Variants in EFNA5 observed in about 807,000 individuals in gnomAD.
EFNA5 encodes the protein ephrin A5.
In EFNA5, 5 loss-of-function variants were observed where a neutral mutation model predicts 22.9. That is an observed-to-expected ratio of 0.22 (90% CI 0.11 to 0.46). The LOEUF (loss-of-function observed/expected upper bound fraction) is 0.46. EFNA5 is among the 20% of genes least tolerant of loss of function. EFNA5 has a pLI of 0.99. For synonymous variants in EFNA5, 113 were observed against 112.2 expected (o/e 1.01, Z -0.04); for missense variants, 237 against 293.3 (o/e 0.81, Z 1.40).
rs546111998 is a variant in EFNA5, at chr5:107,441,287, T to G, written c.126-13778A>C. On this transcript the variant is annotated intron_variant, in intron 1 of 4. Coordinates refer to ENST00000333274, the MANE Select transcript of EFNA5 (RefSeq NM_001962.3). ...TGATTAGGGAAAATAACATGACATG[T>G]GCTGGCCAGGTGAGCAGATTAGAAG... Among the ~76,000 whole-genome samples, 75 of 152,280 alleles carry G rather than the reference T, an allele frequency of 4.9e-4. 1 individual carries two copies. The highest frequency in any genetic ancestry group is 3.4e-3 in the Middle Eastern group (1 of 294).
At chr5:107,570,994 C>A (rs1748790218) in intron 1 of EFNA5, among the ~76,000 whole-genome samples, 1 of 152,206 alleles carries the variant, frequency 6.6e-6, no homozygotes, top group African/African-American at 2.4e-5. Context: ...ACATTCCTCC[C>A]TGGGGGGTAC....
At chr5:107,651,439 G>A (rs533147578) in intron 1 of EFNA5, among the ~76,000 whole-genome samples, 1 of 151,824 alleles carries the variant, frequency 6.6e-6, no homozygotes, top group African/African-American at 2.4e-5. Flanking sequence ...GTTTCTATTC[G>A]CCCCTAAGTA....
intron 1 of EFNA5, among the ~76,000 whole-genome samples, chr5:107,626,573 C>G (rs1311361323): frequency 6.6e-6 from 1 of 152,156 alleles, no homozygotes; most frequent in Non-Finnish European, 1.5e-5. Context: ...AGCCACCATG[C>G]CCAGCTATAT....
intron 1 of EFNA5, among the ~76,000 whole-genome samples, chr5:107,664,966 T>G (rs1439413549): frequency 6.6e-6 from 1 of 152,308 alleles, no homozygotes; most frequent in East Asian, 1.9e-4. Flanking sequence ...ATGAGGAAGG[T>G]TGAGTGGTAT....
At chr5:107,434,965 T>C (rs1055802075) in intron 1 of EFNA5, among the ~76,000 whole-genome samples, 2 of 152,228 alleles carry the variant, frequency 1.3e-5, no homozygotes, top group African/African-American at 4.8e-5. Context: ...ATATGATTTA[T>C]GGTCAAAGAT....
chr5:107,533,485 T>C (rs1221387948), intron 1 of EFNA5, among the ~76,000 whole-genome samples: 1 of 152,172 alleles, frequency 6.6e-6, no homozygotes, highest in Non-Finnish European at 1.5e-5. Flanking sequence ...CTGTGTCAAG[T>C]GCTTGCTTTG....
chr5:107,670,390 G>GCGCCGCCAGCGGTTGGTGCGCGCCGAT, intron 1 of EFNA5, 99 bp downstream of exon 1: 1 of 1,401,174 alleles, frequency 7.1e-7, no homozygotes, highest in Non-Finnish European at 9.3e-7. Flanking sequence ...CCGAGGGTGC[G>GCGCCGCCAGCGGTTGGTGCGCGCCGAT]CGCCGCCAGC....
chr5:107,619,084 G>T (rs1749982146), intron 1 of EFNA5, among the ~76,000 whole-genome samples: 1 of 151,734 alleles, frequency 6.6e-6, no homozygotes, highest in South Asian at 2.1e-4. Context: ...ACCACGCCTG[G>T]CTAATTTCTT....
At chr5:107,632,970 T>G (rs1334618199) in intron 1 of EFNA5, among the ~76,000 whole-genome samples, 1 of 152,226 alleles carries the variant, frequency 6.6e-6, no homozygotes, top group Non-Finnish European at 1.5e-5. Flanking sequence ...GCCTTTAATC[T>G]GCACTAAACT....
intron 1 of EFNA5, among the ~76,000 whole-genome samples, chr5:107,618,300 T>G (rs1268068696): frequency 6.6e-6 from 1 of 152,250 alleles, no homozygotes; most frequent in Non-Finnish European, 1.5e-5. Flanking sequence ...TAAAAAAATG[T>G]GTGAGCATGA....
intron 1 of EFNA5, among the ~76,000 whole-genome samples, chr5:107,569,194 C>T (rs1292682483): frequency 6.6e-6 from 1 of 151,760 alleles, no homozygotes; most frequent in Non-Finnish European, 1.5e-5. Context: ...TGTTCACCTT[C>T]CCACAAGAGT....
intron 1 of EFNA5, among the ~76,000 whole-genome samples, chr5:107,599,320 A>G (rs1291327398): frequency 6.6e-6 from 1 of 152,236 alleles, no homozygotes; most frequent in Non-Finnish European, 1.5e-5. Context: ...AGGTATGGAC[A>G]TATTTCCAAT....
chr5:107,615,810 TTCCC>T (rs1749901236), intron 1 of EFNA5, among the ~76,000 whole-genome samples: 1 of 152,172 alleles, frequency 6.6e-6, no homozygotes, highest in African/African-American at 2.4e-5. Context: ...CCATCTTTTC[TTCCC>T]TCCAGTTACA....
At chr5:107,604,831 C>T (rs1326225856) in intron 1 of EFNA5, among the ~76,000 whole-genome samples, 2 of 152,062 alleles carry the variant, frequency 1.3e-5, no homozygotes, top group Non-Finnish European at 2.9e-5. Flanking sequence ...ATTCCCATCA[C>T]GGTAGTTCAC....
At chr5:107,412,347 G>C (rs1210791876) in intron 2 of EFNA5, among the ~76,000 whole-genome samples, 3 of 152,090 alleles carry the variant, frequency 2.0e-5, no homozygotes, top group Non-Finnish European at 1.5e-5. Flanking sequence ...CTTTATCTAA[G>C]GACCCATAAT....
chr5:107,562,537 G>A (rs896643657), intron 1 of EFNA5, among the ~76,000 whole-genome samples: 1 of 152,084 alleles, frequency 6.6e-6, no homozygotes, highest in Non-Finnish European at 1.5e-5. Context: ...TTTGAATATA[G>A]TATAATTGGT....
chr5:107,534,972 T>C (rs1268796774), intron 1 of EFNA5, among the ~76,000 whole-genome samples: 1 of 152,242 alleles, frequency 6.6e-6, no homozygotes, highest in East Asian at 1.9e-4. Context: ...CCATTTTCTT[T>C]TTAAAAGTGA....
intron 2 of EFNA5, among the ~76,000 whole-genome samples, chr5:107,401,014 T>C (rs1748068046): frequency 6.6e-6 from 1 of 152,224 alleles, no homozygotes. Context: ...CTTTAACATG[T>C]AGTATAGTAA....
Position 107,520,610 on chromosome 5 carries a change from T to C in EFNA5, c.126-93101A>G, listed in dbSNP as rs369292702. Among the ~76,000 whole-genome samples the C allele has an allele frequency of 8.5e-4, 129 of 152,324 alleles. 3 individuals carry two copies. The South Asian group carries it at 0.021, about 24-fold the overall frequency. Reference sequence around the variant, plus strand: ...GAGCTCCTAGTGGAGTTCAGTTTATTTAAAAACATAAATGTTTGTTAGGTT... The same window carrying C: ...GAGCTCCTAGTGGAGTTCAGTTTATCTAAAAACATAAATGTTTGTTAGGTT... On this transcript the variant is annotated intron_variant, in intron 1 of 4. Transcript: ENST00000333274.
Sources: allele counts gnomAD v4.1 joint callset (sites outside exome capture counted in the v4.1 genomes callset), GRCh38; gene constraint gnomAD v4.1.1; transcripts MANE v1.5; gene names NCBI Gene and HGNC (gene_info 2026-07-23, HGNC 2026-07-21).